The following RNF135 variants were observed in gnomAD, a reference collection of about 807,000 sequenced individuals.
The protein encoded by RNF135 is E3 ubiquitin-protein ligase RNF135.
A neutral mutation model predicts 41.9 loss-of-function variants in RNF135; 46 were observed. The ratio of observed to expected loss-of-function variants is 1.10; its 90% CI spans 0.87 to 1.40. The LOEUF (loss-of-function observed/expected upper bound fraction) is 1.40. Ranked by LOEUF, RNF135 falls within the 40% of genes most tolerant of loss-of-function variation. RNF135 has a pLI of 0.00. For synonymous variants in RNF135, 238 were observed against 223.8 expected (o/e 1.06, Z -0.57); for missense variants, 539 against 549.8 (o/e 0.98, Z 0.20).
intron 1 of RNF135, chr17:30,975,968 A>G (rs2078303886): frequency 2.3e-6 from 1 of 442,362 alleles, no homozygotes. Context: ...GATAAATACA[A>G]AAAGTCACAT....
intron 2 of RNF135, among the ~76,000 whole-genome samples, chr17:30,986,156 G>T (rs1907568917): frequency 6.6e-6 from 1 of 151,584 alleles, no homozygotes; most frequent in East Asian, 1.9e-4. Context: ...ATTAATGTCT[G>T]CCCCCCTCCC....
intron 3 of RNF135, 29 bp from the exon 4 acceptor site, chr17:30,997,213 T>C: frequency 6.3e-7 from 1 of 1,587,892 alleles, no homozygotes; most frequent in Admixed American, 1.7e-5. Flanking sequence ...CTGATGGGAC[T>C]TTCCTCTGTT....
chr17:30,996,482 T>G (rs546618875), intron 3 of RNF135, among the ~76,000 whole-genome samples: 63 of 152,346 alleles, frequency 4.1e-4, no homozygotes, highest in African/African-American at 1.5e-3. Flanking sequence ...CAGGGATTGC[T>G]TCAGTTCCGA....
chr17:30,973,535 T>C (rs989241683), intron 1 of RNF135, among the ~76,000 whole-genome samples: 43 of 151,936 alleles, frequency 2.8e-4, no homozygotes, highest in Admixed American at 6.6e-4. Flanking sequence ...TGACACGATC[T>C]CAGCTCACTG....
intron 3 of RNF135, among the ~76,000 whole-genome samples, chr17:30,988,847 T>A (rs1477237338): frequency 6.7e-6 from 1 of 149,540 alleles, no homozygotes; most frequent in South Asian, 2.1e-4. Flanking sequence ...AGTGGTGCGA[T>A]CTTGGCCAGA....
At chr17:30,971,035 G>C (rs1405645238), upstream of RNF135, 7 of 1,533,026 alleles carry the variant, frequency 4.6e-6, no homozygotes, top group South Asian at 4.8e-5. Flanking sequence ...GACTCGCCCG[G>C]CTCAACCCCG....
intron 2 of RNF135, among the ~76,000 whole-genome samples, chr17:30,986,848 G>T (rs1907624777): frequency 6.6e-6 from 1 of 152,216 alleles, no homozygotes; most frequent in South Asian, 2.1e-4. Flanking sequence ...ATAATTAACT[G>T]TGGCAATTTA....
intron 1 of RNF135, chr17:30,975,500 C>G (rs971866273): frequency 1.9e-5 from 15 of 777,248 alleles, no homozygotes; most frequent in Non-Finnish European, 2.9e-5. Flanking sequence ...CAATGAGAAC[C>G]CATACCCAAA....
rs1907718538 is a variant in RNF135, at chr17:30,988,114, G to A, written c.679+8G>A. 6.2e-7 allele frequency: 1 copy of A among 1,613,406 alleles called. No individual in the cohort carries two copies. ...CTGAAGCACAAATGCAGGGTGAGCT[G>A]ATCTTATTTATTGGAGGAGGATTAA... On this transcript the variant is annotated splice_region_variant and intron_variant, in intron 3 of 4. Coordinates refer to ENST00000328381, the MANE Select transcript of RNF135 (RefSeq NM_032322.4).
chr17:30,979,851 C>G (rs1906897526), intron 1 of RNF135, among the ~76,000 whole-genome samples: 1 of 111,602 alleles, frequency 9.0e-6, no homozygotes, highest in African/African-American at 3.5e-5. Context: ...GCTGGCCAGG[C>G]GGGGGGGCTG....
chr17:30,978,091 G>A (rs181589036), intron 1 of RNF135, among the ~76,000 whole-genome samples: 1 of 152,276 alleles, frequency 6.6e-6, no homozygotes, highest in Non-Finnish European at 1.5e-5. Context: ...CCACTGAAAA[G>A]TCTGCTGCCA....
intron 1 of RNF135, among the ~76,000 whole-genome samples, chr17:30,978,308 T>G (rs531654715): frequency 6.6e-6 from 1 of 152,344 alleles, no homozygotes; most frequent in Admixed American, 6.5e-5. Context: ...CTATTATTTC[T>G]TTGAATAAAC....
the RNF135 span, among the ~76,000 whole-genome samples, chr17:30,961,154 C>G: frequency 5.3e-5 from 8 of 152,150 alleles, no homozygotes; most frequent in African/African-American, 1.7e-4. Flanking sequence ...CACTATATGG[C>G]TATACCATAC....
chr17:30,962,037 A>G, the RNF135 span, among the ~76,000 whole-genome samples: 1 of 152,050 alleles, frequency 6.6e-6, no homozygotes, highest in Non-Finnish European at 1.5e-5. Context: ...TCCTTAAATG[A>G]GCAGCCTACC....
In RNF135 at chr17:30,998,752, C is replaced by T. The variant is rs1221163082; in HGVS notation, c.860C>T (p.Pro287Leu). The T allele has an allele frequency of 2.5e-6, 4 of 1,613,472 alleles. No homozygotes were observed. Among genetic ancestry groups the T allele is most frequent in the Admixed American group, 3.3e-5 (2 of 59,818 alleles). Residue 287 changes from proline to leucine, a missense_variant, in exon 5 of 5, where the codon CCA (proline) becomes CTA (leucine). By Grantham distance (98) the Pro-to-Leu change is moderately conservative. This residue lies in a region of RNF135 where 262 missense variants were observed against 336.9 expected (regional missense o/e 0.78). Coordinates refer to ENST00000328381, the MANE Select transcript of RNF135 (RefSeq NM_032322.4). Reference sequence around the variant, plus strand: ...CGTACAGTGACTGTGTCTCACCGCCCACAACCCTATCGCTGGAGCTGTGAG... The same window carrying T: ...CGTACAGTGACTGTGTCTCACCGCCTACAACCCTATCGCTGGAGCTGTGAG... Reference protein sequence around the residue: ...DSRTVTVSHRPQPYRWSCERF... With the variant: ...DSRTVTVSHRLQPYRWSCERF...
upstream of RNF135, among the ~76,000 whole-genome samples, chr17:30,969,939 T>C (rs529862997): frequency 2.6e-5 from 4 of 151,994 alleles, no homozygotes; most frequent in Non-Finnish European, 4.4e-5. Flanking sequence ...TTTTCTTTTC[T>C]TTTCTTTTTG....
chr17:30,996,005 GA>G (rs1487067051), intron 3 of RNF135, among the ~76,000 whole-genome samples: 1 of 151,614 alleles, frequency 6.6e-6, no homozygotes, highest in East Asian at 1.9e-4. Context: ...TCGAACTCCT[GA>G]CCTCAGGTGA....
intron 1 of RNF135, among the ~76,000 whole-genome samples, chr17:30,983,353 A>ATATATATATTTT (rs1420453160): frequency 7.3e-4 from 26 of 35,732 alleles, no homozygotes; most frequent in Non-Finnish European, 1.0e-3. Context: ...ATATATATAT[A>ATATATATATTTT]TTTTTTTTTT....
intron 3 of RNF135, among the ~76,000 whole-genome samples, chr17:30,988,617 G>A (rs1211296275): frequency 4.6e-5 from 7 of 151,412 alleles, no homozygotes; most frequent in Admixed American, 1.3e-4. Context: ...TGATAGAGAC[G>A]GGGTTTCACC....
Sources: gnomAD v4.1 joint callset for allele counts (sites outside exome capture counted in the v4.1 genomes callset) on GRCh38, gnomAD v4.1.1 for gene constraint, gnomAD v4.1.1 regional missense constraint, MANE v1.5 for transcripts, NCBI Gene and HGNC (gene_info 2026-07-23, HGNC 2026-07-21) for gene names.